Variants in RGS8 observed in about 807,000 individuals in gnomAD.
RGS8 encodes regulator of G protein signaling 8, also known as regulator of G-protein signaling 8.
RGS8 carries 8 observed loss-of-function variants against 21.7 expected under a neutral mutation model. The ratio of observed to expected loss-of-function variants is 0.37; its 90% confidence interval spans 0.22 to 0.66. RGS8 has a LOEUF of 0.66. Ranked by LOEUF, RGS8 falls within the 30% of genes least tolerant of loss-of-function variation. RGS8 has a pLI of 0.59. For synonymous variants in RGS8, 80 were observed against 83.6 expected (o/e 0.96, Z 0.24); for missense variants, 157 against 217.9 (o/e 0.72, Z 1.76).
At chr1:182,703,673 C>G in the RGS8 span, among the ~76,000 whole-genome samples, 1 of 152,170 alleles carries the variant, frequency 6.6e-6, no homozygotes. Context: ...ATAATAACCA[C>G]AGATGATTTT....
At chr1:182,716,203 G>C in the RGS8 span, among the ~76,000 whole-genome samples, 1 of 149,290 alleles carries the variant, frequency 6.7e-6, no homozygotes, top group Admixed American at 6.7e-5. Flanking sequence ...ATAGCTCATT[G>C]CAACTTCCAC....
At chr1:182,747,373 C>A in the RGS8 span, among the ~76,000 whole-genome samples, 1 of 151,936 alleles carries the variant, frequency 6.6e-6, no homozygotes, top group Non-Finnish European at 1.5e-5. Context: ...AGTGTGCTTC[C>A]CATTTAAAGA....
At chr1:182,716,169 C>T in the RGS8 span, among the ~76,000 whole-genome samples, 6 of 151,440 alleles carry the variant, frequency 4.0e-5, no homozygotes, top group Non-Finnish European at 7.4e-5. Context: ...TTTGTCGCCC[C>T]GGCTGGAGTA....
chr1:182,648,837 A>G (rs971352549), intron 5 of RGS8, among the ~76,000 whole-genome samples: 5 of 152,098 alleles, frequency 3.3e-5, no homozygotes, highest in Non-Finnish European at 7.4e-5. Context: ...GCAGTGTCTC[A>G]TGCCTGTAAT....
chr1:182,678,846 T>G (rs1253716562), intron 1 of RGS8, among the ~76,000 whole-genome samples: 1 of 152,192 alleles, frequency 6.6e-6, no homozygotes, highest in Admixed American at 6.5e-5. Context: ...AGAGAGCTTA[T>G]GCAACATACA....
the RGS8 span, among the ~76,000 whole-genome samples, chr1:182,729,268 G>A: frequency 6.6e-6 from 1 of 152,218 alleles, no homozygotes; most frequent in African/African-American, 2.4e-5. Flanking sequence ...CGGGATGAGT[G>A]GGGATGGTCT....
At chr1:182,694,555 CCAGCA>C in the RGS8 span, among the ~76,000 whole-genome samples, 1 of 152,096 alleles carries the variant, frequency 6.6e-6, no homozygotes, top group East Asian at 1.9e-4. Flanking sequence ...GCCCGTAATC[CCAGCA>C]CTTTGGGAGG....
the RGS8 span, among the ~76,000 whole-genome samples, chr1:182,751,437 A>G: frequency 1.3e-5 from 2 of 152,214 alleles, no homozygotes; most frequent in South Asian, 4.1e-4. Flanking sequence ...GTGTTTAATA[A>G]GACAGACACA....
downstream of RGS8, chr1:182,644,061 C>T (rs1336285127): frequency 2.6e-5 from 4 of 152,450 alleles, no homozygotes; most frequent in Non-Finnish European, 5.9e-5. Flanking sequence ...AGGACATGGG[C>T]TTGCGGAAGA....
intron 6 of RGS8, 26 bp downstream of exon 7, chr1:182,648,111 C>T (rs1261024773): frequency 1.3e-6 from 2 of 1,576,220 alleles, no homozygotes; most frequent in African/African-American, 2.7e-5. Context: ...CATGGATAGA[C>T]AGGATGGTCG....
At chr1:182,691,814 G>A in the RGS8 span, among the ~76,000 whole-genome samples, 1 of 151,872 alleles carries the variant, frequency 6.6e-6, no homozygotes, top group Non-Finnish European at 1.5e-5. Context: ...AGAAGTCCTA[G>A]CCAGAGCAAT....
the RGS8 span, chr1:182,733,783 C>T: frequency 3.3e-5 from 5 of 152,150 alleles, no homozygotes; most frequent in African/African-American, 7.2e-5. Context: ...TAGAAACAGG[C>T]ACAACACTGA....
At chr1:182,655,316 C>T (rs1256365018) in intron 5 of RGS8, among the ~76,000 whole-genome samples, 1 of 152,172 alleles carries the variant, frequency 6.6e-6, no homozygotes, top group Non-Finnish European at 1.5e-5. Flanking sequence ...GACAAGGAGG[C>T]CACAAGTGAC....
At chr1:182,688,984 G>T (rs1224013666), upstream of RGS8, among the ~76,000 whole-genome samples, 3 of 152,198 alleles carry the variant, frequency 2.0e-5, no homozygotes, top group African/African-American at 7.2e-5. Context: ...AGAGCTGTAA[G>T]ATAATAAATC....
chr1:182,646,394 A>C, exon 7 of RGS8: 1 of 203,618 alleles, frequency 4.9e-6, no homozygotes, highest in Non-Finnish European at 1.0e-5. Flanking sequence ...GGTGGTGGGA[A>C]TTGCATTTGC....
At chr1:182,662,003 G>GT (rs1308198794) in intron 5 of RGS8, among the ~76,000 whole-genome samples, 6 of 152,112 alleles carry the variant, frequency 3.9e-5, no homozygotes, top group Admixed American at 1.3e-4. Context: ...GTTAGTGTTT[G>GT]TTTTTTTGTT....
the RGS8 span, among the ~76,000 whole-genome samples, chr1:182,723,011 T>A: frequency 1.3e-5 from 2 of 150,830 alleles, no homozygotes; most frequent in African/African-American, 4.9e-5. Context: ...TAAAAATAAA[T>A]AAATAAATAA....
intron 5 of RGS8, among the ~76,000 whole-genome samples, chr1:182,662,408 C>G (rs551771992): frequency 6.6e-6 from 1 of 152,328 alleles, no homozygotes; most frequent in Non-Finnish European, 1.5e-5. Flanking sequence ...GACACCTCCT[C>G]CTACTCCAGA....
chr1:182,701,720 T>C, the RGS8 span, among the ~76,000 whole-genome samples: 2 of 152,194 alleles, frequency 1.3e-5, no homozygotes, highest in Admixed American at 6.5e-5. Context: ...GAATCCTTCT[T>C]AGTGGCCCAG....
Sources: gnomAD v4.1 joint callset for allele counts (sites outside exome capture counted in the v4.1 genomes callset) on GRCh38, gnomAD v4.1.1 for gene constraint, MANE v1.5 for transcripts, NCBI Gene and HGNC (gene_info 2026-07-23, HGNC 2026-07-21) for gene names.